FAM107B: variants seen among roughly 807,000 people sequenced by gnomAD.
FAM107B encodes the protein family with sequence similarity 107 member B, also known as protein FAM107B.
Under a neutral mutation model 31.5 loss-of-function variants are expected in FAM107B, and 21 were observed. The ratio of observed to expected loss-of-function variants is 0.67; its 90% CI spans 0.47 to 0.96. The LOEUF is 0.96. FAM107B is among the 40% of genes least tolerant of loss of function. The pLI is 0.00. For synonymous variants in FAM107B, 157 were observed against 141.5 expected (o/e 1.11, Z -0.78); for missense variants, 452 against 377.1 (o/e 1.20, Z -1.64).
chr10:14,575,085 G>A (rs1299760709), intron 2 of FAM107B, among the ~76,000 whole-genome samples: 1 of 152,174 alleles, frequency 6.6e-6, no homozygotes, highest in Non-Finnish European at 1.5e-5. Flanking sequence ...TCAATAATAA[G>A]CACTAAAGGG....
At chr10:14,613,749 A>G (rs1852783842) in intron 2 of FAM107B, among the ~76,000 whole-genome samples, 2 of 152,156 alleles carry the variant, frequency 1.3e-5, no homozygotes, top group South Asian at 4.1e-4. Context: ...TCATCTCACA[A>G]ACAGGCCACA....
chr10:14,699,589 A>C (rs1855348243), intron 1 of FAM107B, among the ~76,000 whole-genome samples: 1 of 152,202 alleles, frequency 6.6e-6, no homozygotes, highest in African/African-American at 2.4e-5. Flanking sequence ...GTGCCTGCCC[A>C]CATCAGCAAG....
At chr10:14,628,112 G>GTTTTTTTTTGGTTTTTT (rs58879328) in intron 2 of FAM107B, among the ~76,000 whole-genome samples, 2 of 92,676 alleles carry the variant, frequency 2.2e-5, no homozygotes, top group Admixed American at 2.9e-4. Context: ...TGTTTTGCTG[G>GTTTTTTTTTGGTTTTTT]TTTTTTTTTT....
intron 1 of FAM107B, among the ~76,000 whole-genome samples, chr10:14,668,905 TA>T (rs1564620057): frequency 6.6e-6 from 1 of 152,140 alleles, no homozygotes; most frequent in Non-Finnish European, 1.5e-5. Context: ...TAGGGTTCCA[TA>T]AATAAAAACT....
rs577965343 is a variant in FAM107B at position 14,762,543 on chromosome 10, C to T, written c.411+11710G>A. 3.3e-3 allele frequency among the ~76,000 whole-genome samples: 509 copies of T among 152,168 alleles called. 2 individuals are homozygous for T. In the South Asian group the frequency reaches 0.04, roughly 12 times the overall value. Reference sequence around the variant, plus strand: ...GCCGAGGCAGGCAGATCACCTGAGGCCGGGAGTTCGAGACCAGCCTGGCCA... The same window carrying T: ...GCCGAGGCAGGCAGATCACCTGAGGTCGGGAGTTCGAGACCAGCCTGGCCA... On this transcript the variant is annotated intron_variant, in intron 1 of 4. Transcript: ENST00000181796.
intron 1 of FAM107B, among the ~76,000 whole-genome samples, chr10:14,686,883 G>A (rs1435142500): frequency 6.6e-6 from 1 of 152,180 alleles, no homozygotes; most frequent in Non-Finnish European, 1.5e-5. Flanking sequence ...CCCCACCAAT[G>A]CCCAGGGCCC....
chr10:14,520,633 C>T lies in FAM107B; in HGVS notation c.*557G>A, dbSNP rs1222786729. On this transcript the variant is annotated 3_prime_UTR_variant, in exon 5 of 5. Transcript: ENST00000181796. Reference sequence around the variant, plus strand: ...TGCCAACAAGGGTAGTGGCTGTGCTCGACATTCACGTTCCTTCTCTGGTGT... The same window carrying T: ...TGCCAACAAGGGTAGTGGCTGTGCTTGACATTCACGTTCCTTCTCTGGTGT... 1 of 152,148 alleles carries T rather than the reference C, an allele frequency of 6.6e-6. No individual in the cohort carries two copies. The highest frequency in any genetic ancestry group is 2.4e-5 in the African/African-American group (1 of 41,430). The allele number at this position is 152,148 out of a possible 1,614,324, so 9.4% of individuals were successfully genotyped here.
At chr10:14,582,367 T>A (rs541925882) in intron 2 of FAM107B, among the ~76,000 whole-genome samples, 1 of 111,012 alleles carries the variant, frequency 9.0e-6, no homozygotes, top group African/African-American at 3.2e-5. Flanking sequence ...GTTTTTGTTT[T>A]TTCTTTTCTT....
chr10:14,652,160 A>T (rs1056311193), intron 2 of FAM107B, among the ~76,000 whole-genome samples: 8 of 152,320 alleles, frequency 5.3e-5, no homozygotes, highest in African/African-American at 1.9e-4. Flanking sequence ...AATGTTAAAA[A>T]AAAAAAGCAG....
At chr10:14,534,962 G>A (rs940778692) in intron 2 of FAM107B, 6 of 152,208 alleles carry the variant, frequency 3.9e-5, no homozygotes, top group African/African-American at 1.4e-4. Context: ...GCCATAAGGT[G>A]TAGTGCAGAA....
chr10:14,523,934 T>A (rs1332578575), intron 3 of FAM107B, among the ~76,000 whole-genome samples: 1 of 150,574 alleles, frequency 6.6e-6, no homozygotes, highest in African/African-American at 2.4e-5. Context: ...CGGCATGATC[T>A]CAGCTCACTG....
intron 1 of FAM107B, among the ~76,000 whole-genome samples, chr10:14,698,474 T>C (rs1855319328): frequency 6.6e-6 from 1 of 152,254 alleles, no homozygotes; most frequent in Non-Finnish European, 1.5e-5. Context: ...TCTCCAAATA[T>C]TTACTGTTTA....
chr10:14,604,199 C>G, intron 2 of FAM107B: 1 of 979,662 alleles, frequency 1.0e-6, no homozygotes, highest in South Asian at 4.7e-5. Context: ...CCCCGCGCCC[C>G]TCGTCTTTGT....
chr10:14,547,523 T>A (rs1335346189), intron 2 of FAM107B, among the ~76,000 whole-genome samples: 2 of 152,178 alleles, frequency 1.3e-5, no homozygotes, highest in African/African-American at 2.4e-5. Context: ...TGTTTCAGAT[T>A]TCAAAGCTTT....
chr10:14,601,043 A>AG (rs1228754496), intron 2 of FAM107B, among the ~76,000 whole-genome samples: 2 of 152,224 alleles, frequency 1.3e-5, no homozygotes, highest in Non-Finnish European at 2.9e-5. Flanking sequence ...CTGGGATTAC[A>AG]GGCACAAGCC....
chr10:14,642,529 T>C (rs1853653514), intron 2 of FAM107B, among the ~76,000 whole-genome samples: 1 of 152,232 alleles, frequency 6.6e-6, no homozygotes, highest in African/African-American at 2.4e-5. Flanking sequence ...GTCATGTCTC[T>C]ATCCCCTTCG....
chr10:14,603,495 A>G (rs991918473), intron 2 of FAM107B, among the ~76,000 whole-genome samples: 7 of 152,180 alleles, frequency 4.6e-5, no homozygotes, highest in African/African-American at 1.4e-4. Flanking sequence ...TGAAATCTAC[A>G]GTTTACCCTC....
At chr10:14,692,147 G>A (rs1207779037) in intron 1 of FAM107B, among the ~76,000 whole-genome samples, 4 of 152,068 alleles carry the variant, frequency 2.6e-5, no homozygotes, top group Non-Finnish European at 4.4e-5. Flanking sequence ...GAAGGCAATC[G>A]AGGGGAGCCC....
chr10:14,603,180 C>T (rs61842709), intron 2 of FAM107B, among the ~76,000 whole-genome samples: 14,110 of 151,942 alleles, frequency 0.093, 734 homozygotes, highest in East Asian at 0.19. Context: ...AGTTTTAAAC[C>T]GGAAACCAGC....
Sources: allele counts gnomAD v4.1 joint callset (sites outside exome capture counted in the v4.1 genomes callset), GRCh38; gene constraint gnomAD v4.1.1; transcripts MANE v1.5; gene names NCBI Gene and HGNC (gene_info 2026-07-23, HGNC 2026-07-21).